Variants in PALLD observed in about 807,000 individuals in gnomAD.
The protein encoded by PALLD is palladin.
In PALLD, 61 loss-of-function variants were observed where a neutral mutation model predicts 123.5. The observed-to-expected ratio is 0.49, with a 90% CI of 0.40 to 0.61. The LOEUF (loss-of-function observed/expected upper bound fraction) is 0.61. Among genes scored for constraint, PALLD ranks in the 20% least tolerant of loss-of-function variants. The pLI is 0.00. For synonymous variants in PALLD, 465 were observed against 496.4 expected (o/e 0.94, Z 0.84); for missense variants, 1,273 against 1,377.0 (o/e 0.92, Z 1.20).
chr4:168,616,822 A>T (rs1032943597), intron 2 of PALLD, among the ~76,000 whole-genome samples: 1 of 152,188 alleles, frequency 6.6e-6, no homozygotes, highest in African/African-American at 2.4e-5. Flanking sequence ...CTGTGATGTC[A>T]TAAGAGATTC....
intron 10 of PALLD, among the ~76,000 whole-genome samples, chr4:168,778,075 T>C (rs149755996): frequency 8.1e-4 from 123 of 152,266 alleles, no homozygotes; most frequent in Non-Finnish European, 1.4e-3. Context: ...CAGTGAAGGA[T>C]GAACAAGGAA....
intron 5 of PALLD, among the ~76,000 whole-genome samples, chr4:168,685,235 G>T (rs539927346): frequency 2.3e-4 from 35 of 152,282 alleles, no homozygotes; most frequent in Middle Eastern, 3.4e-3. Flanking sequence ...TTAAAAGCTC[G>T]TGGATCCCCA....
intron 10 of PALLD, among the ~76,000 whole-genome samples, chr4:168,851,484 C>T (rs1480829882): frequency 6.6e-6 from 1 of 152,126 alleles, no homozygotes; most frequent in African/African-American, 2.4e-5. Flanking sequence ...TCTCATGCTT[C>T]GGCCTCCCTA....
At chr4:168,690,768 C>A (rs1221757591) in intron 7 of PALLD, 24 bp downstream of exon 7, 2 of 1,612,234 alleles carry the variant, frequency 1.2e-6, no homozygotes, top group Non-Finnish European at 1.7e-6. Context: ...CCCATGTCCC[C>A]AAATCTGACC....
intron 1 of PALLD, among the ~76,000 whole-genome samples, chr4:168,504,251 T>C (rs1165963541): frequency 6.6e-6 from 1 of 152,188 alleles, no homozygotes; most frequent in African/African-American, 2.4e-5. Flanking sequence ...GAAGAGTCAT[T>C]TCCTCCATGG....
intron 2 of PALLD, among the ~76,000 whole-genome samples, chr4:168,595,181 G>C (rs112179554): frequency 6.6e-6 from 1 of 152,232 alleles, no homozygotes; most frequent in South Asian, 2.1e-4. Context: ...TGGGGCCTGT[G>C]GTTATCCGCT....
At chr4:168,558,343 G>A (rs1479379730) in intron 2 of PALLD, among the ~76,000 whole-genome samples, 1 of 152,156 alleles carries the variant, frequency 6.6e-6, no homozygotes, top group Non-Finnish European at 1.5e-5. Context: ...CCCAGTCCAT[G>A]GTACACTTTA....
Position 168,878,062 on chromosome 4 carries a change from G to A in PALLD, c.1965-12860G>A. 1.4e-6 allele frequency: 2 copies of A among 1,473,866 alleles called. No individual in the cohort carries two copies. The highest frequency in any genetic ancestry group is 2.4e-5 in the Admixed American group (1 of 42,144). 91.3% of individuals were successfully genotyped at this position (1,473,866 alleles called of 1,614,324 possible). On this transcript the variant is annotated intron_variant, in intron 10 of 21. Transcript: ENST00000505667. ...GCCTCCCGTCGCCCATGTCCCCGAC[G>A]CCGAGGCAGTTCGGCCGCGCCCCCG...
intron 10 of PALLD, among the ~76,000 whole-genome samples, chr4:168,823,326 G>C (rs1350633712): frequency 3.9e-5 from 6 of 152,124 alleles, no homozygotes. Context: ...AACACTGCTA[G>C]GCCCATTTCT....
chr4:168,849,341 G>C (rs373268439), intron 10 of PALLD, among the ~76,000 whole-genome samples: 1 of 152,236 alleles, frequency 6.6e-6, no homozygotes, highest in Non-Finnish European at 1.5e-5. Flanking sequence ...GAAAAAGCCA[G>C]ATCAGATTTT....
At chr4:168,771,948 G>A (rs1734517489) in intron 10 of PALLD, among the ~76,000 whole-genome samples, 1 of 152,108 alleles carries the variant, frequency 6.6e-6, no homozygotes, top group South Asian at 2.1e-4. Context: ...ATATATTTTT[G>A]TAAATAGAAA....
In PALLD at chr4:168,841,631, G is replaced by A. The variant is rs140307347; in HGVS notation, c.1965-49291G>A. Among the ~76,000 whole-genome samples, 640 of 152,292 alleles carry A rather than the reference G, an allele frequency of 4.2e-3. 2 individuals are homozygous for A. The highest frequency in any genetic ancestry group is 6.6e-3 in the Non-Finnish European group (452 of 68,018). On this transcript the variant is annotated intron_variant, in intron 10 of 21. Transcript: ENST00000505667. ...TCTAGGTACCACCTGACCGCTCTCT[G>A]TCTGCTCCTTCTGTGGCTCTATAAT...
At chr4:168,853,395 T>C (rs1296517614) in intron 10 of PALLD, among the ~76,000 whole-genome samples, 2 of 152,090 alleles carry the variant, frequency 1.3e-5, no homozygotes, top group Non-Finnish European at 2.9e-5. Flanking sequence ...TTACCAAAGC[T>C]AGAAAAGACC....
chr4:168,532,263 G>A (rs777504458), intron 2 of PALLD, among the ~76,000 whole-genome samples: 6 of 152,092 alleles, frequency 3.9e-5, no homozygotes, highest in African/African-American at 1.2e-4. Context: ...ATATGATCTC[G>A]TTCTCCAAAA....
At chr4:168,597,194 T>C (rs182430718) in intron 2 of PALLD, among the ~76,000 whole-genome samples, 1 of 152,208 alleles carries the variant, frequency 6.6e-6, no homozygotes, top group East Asian at 1.9e-4. Flanking sequence ...TAATTTATAA[T>C]TAAATATAAA....
intron 8 of PALLD, among the ~76,000 whole-genome samples, chr4:168,702,561 A>G (rs569073077): frequency 2.0e-3 from 298 of 152,280 alleles, no homozygotes; most frequent in South Asian, 3.9e-3. Flanking sequence ...TCAAAAAGAA[A>G]GAAAAAAAGA....
intron 2 of PALLD, among the ~76,000 whole-genome samples, chr4:168,627,933 A>G (rs1554053247): frequency 6.6e-6 from 1 of 152,270 alleles, no homozygotes; most frequent in Non-Finnish European, 1.5e-5. Context: ...ATCACTTTTC[A>G]CCTATCAGAC....
At chr4:168,774,093 A>T (rs1734825026) in intron 10 of PALLD, among the ~76,000 whole-genome samples, 2 of 141,200 alleles carry the variant, frequency 1.4e-5, no homozygotes, top group South Asian at 4.9e-4. Context: ...GCGATTAAAA[A>T]AAATATATAT....
intron 2 of PALLD, among the ~76,000 whole-genome samples, chr4:168,515,439 T>C (rs1762900185): frequency 6.6e-6 from 1 of 152,110 alleles, no homozygotes; most frequent in South Asian, 2.1e-4. Flanking sequence ...CAGAAGCAGT[T>C]GACAGACGTG....
Sources: allele counts gnomAD v4.1 joint callset (sites outside exome capture counted in the v4.1 genomes callset), GRCh38; gene constraint gnomAD v4.1.1; transcripts MANE v1.5; gene names NCBI Gene and HGNC (gene_info 2026-07-23, HGNC 2026-07-21).